KIAA1217: variants seen among roughly 807,000 people sequenced by gnomAD.
KIAA1217 encodes the protein sickle tail protein homolog.
In KIAA1217, 88 loss-of-function variants were observed where a neutral mutation model predicts 163.9. The observed-to-expected ratio is 0.54, with a 90% CI of 0.45 to 0.64. The LOEUF is 0.64. KIAA1217 is among the 30% of genes least tolerant of loss of function. The pLI is 0.00. For missense variants in KIAA1217, 2,372 were observed against 2,475.0 expected (o/e 0.96, Z 0.88); for synonymous variants, 903 against 923.1 (o/e 0.98, Z 0.39).
chr10:23,861,424 T>C (rs1477139335), intron 1 of KIAA1217, among the ~76,000 whole-genome samples: 4 of 152,204 alleles, frequency 2.6e-5, no homozygotes, highest in Non-Finnish European at 5.9e-5. Flanking sequence ...CATGCCCTGA[T>C]TCCTGGGAGC....
At chr10:24,382,529 TAAAATTTGA>T (rs2053447014) in intron 3 of KIAA1217, among the ~76,000 whole-genome samples, 1 of 152,132 alleles carries the variant, frequency 6.6e-6, no homozygotes, top group Non-Finnish European at 1.5e-5. Context: ...AAGATCAAAT[TAAAATTTGA>T]TCTTAGGTTA....
At chr10:23,785,338 T>C (rs1398917317) in intron 1 of KIAA1217, among the ~76,000 whole-genome samples, 1 of 152,128 alleles carries the variant, frequency 6.6e-6, no homozygotes, top group Non-Finnish European at 1.5e-5. Flanking sequence ...CCAGAGCCTG[T>C]TCCCTCACCT....
intron 2 of KIAA1217, among the ~76,000 whole-genome samples, chr10:24,284,188 G>C (rs1466385948): frequency 6.6e-6 from 1 of 152,128 alleles, no homozygotes; most frequent in African/African-American, 2.4e-5. Context: ...GATTATAGGT[G>C]TGAGCTACCG....
intron 2 of KIAA1217, among the ~76,000 whole-genome samples, chr10:24,300,784 C>T (rs992125985): frequency 2.6e-5 from 4 of 151,916 alleles, no homozygotes; most frequent in African/African-American, 9.7e-5. Context: ...CCAGGCTGGT[C>T]TCAAACCCCT....
At chr10:23,699,644 A>G (rs1159393266) in intron 1 of KIAA1217, among the ~76,000 whole-genome samples, 1 of 151,856 alleles carries the variant, frequency 6.6e-6, no homozygotes, top group African/African-American at 2.4e-5. Flanking sequence ...TTTTTTTTAG[A>G]GACTGGGTTT....
chr10:24,442,059 C>T (rs1268871593), intron 5 of KIAA1217, among the ~76,000 whole-genome samples: 1 of 152,140 alleles, frequency 6.6e-6, no homozygotes, highest in Non-Finnish European at 1.5e-5. Flanking sequence ...TTCTCTGCTT[C>T]CTTTAATTTC....
chr10:23,742,698 A>G (rs1177762586), intron 1 of KIAA1217, among the ~76,000 whole-genome samples: 1 of 152,184 alleles, frequency 6.6e-6, no homozygotes, highest in Non-Finnish European at 1.5e-5. Context: ...CTCATGACAA[A>G]AACACCTCCC....
intron 2 of KIAA1217, among the ~76,000 whole-genome samples, chr10:24,090,164 CTTTTTTTTTTT>C (rs1162687231): frequency 2.5e-4 from 27 of 109,236 alleles, no homozygotes; most frequent in Admixed American, 2.4e-3. Context: ...TTTTCTTTTT[CTTTTTTTTTTT>C]TTTTTTTTTG....
chr10:23,837,351 C>G (rs1391050902), intron 1 of KIAA1217, among the ~76,000 whole-genome samples: 1 of 152,118 alleles, frequency 6.6e-6, no homozygotes, highest in Non-Finnish European at 1.5e-5. Flanking sequence ...CAACCCAGTT[C>G]CCTGCCTTCT....
At chr10:23,698,375 G>A (rs1047069305) in intron 1 of KIAA1217, among the ~76,000 whole-genome samples, 1 of 152,158 alleles carries the variant, frequency 6.6e-6, no homozygotes, top group African/African-American at 2.4e-5. Context: ...TACTAAAAAT[G>A]GTAGCTAAAT....
At chr10:23,981,568 A>G (rs750919685) in intron 1 of KIAA1217, among the ~76,000 whole-genome samples, 3 of 152,170 alleles carry the variant, frequency 2.0e-5, no homozygotes, top group Non-Finnish European at 2.9e-5. Flanking sequence ...TAAAAAATGC[A>G]TTTCTTTTAT....
At chr10:23,954,370 G>T (rs1844465955) in intron 1 of KIAA1217, among the ~76,000 whole-genome samples, 1 of 152,026 alleles carries the variant, frequency 6.6e-6, no homozygotes, top group Non-Finnish European at 1.5e-5. Flanking sequence ...TTCAAGACCA[G>T]CCTAGGCAAC....
intron 2 of KIAA1217, among the ~76,000 whole-genome samples, chr10:24,332,283 C>CTGAA (rs1476607677): frequency 2.6e-5 from 4 of 152,160 alleles, no homozygotes; most frequent in Non-Finnish European, 4.4e-5. Context: ...ATCAGGGGTA[C>CTGAA]TGAAATATTT....
At chr10:23,756,581 G>T (rs1381840816) in intron 1 of KIAA1217, among the ~76,000 whole-genome samples, 2 of 152,014 alleles carry the variant, frequency 1.3e-5, no homozygotes, top group Admixed American at 1.3e-4. Flanking sequence ...AAAACTTATG[G>T]CATGTTACTA....
intron 1 of KIAA1217, among the ~76,000 whole-genome samples, chr10:23,967,783 A>G (rs1845128255): frequency 6.6e-6 from 1 of 152,160 alleles, no homozygotes; most frequent in African/African-American, 2.4e-5. Context: ...GATATTGTTT[A>G]GAGGTGAATA....
intron 2 of KIAA1217, among the ~76,000 whole-genome samples, chr10:24,155,248 A>G (rs1032902386): frequency 1.3e-5 from 2 of 152,074 alleles, no homozygotes; most frequent in African/African-American, 4.8e-5. Context: ...GCCCTTGACA[A>G]ATGGCTGTCC....
At chr10:23,714,476 G>T (rs1470606177) in intron 1 of KIAA1217, among the ~76,000 whole-genome samples, 1 of 152,052 alleles carries the variant, frequency 6.6e-6, no homozygotes, top group Non-Finnish European at 1.5e-5. Context: ...TAAGACTTTG[G>T]TAGAGTCCTT....
intron 1 of KIAA1217, among the ~76,000 whole-genome samples, chr10:23,984,062 A>T (rs1845874785): frequency 6.6e-6 from 1 of 152,198 alleles, no homozygotes; most frequent in African/African-American, 2.4e-5. Flanking sequence ...CAGTTCCAAA[A>T]TCCACTGGAC....
At chr10:24,219,148 C>T (rs2069235617) in intron 1 of KIAA1217, among the ~76,000 whole-genome samples, 1 of 152,130 alleles carries the variant, frequency 6.6e-6, no homozygotes, top group African/African-American at 2.4e-5. Flanking sequence ...TCACAACTGT[C>T]ACCTACCCAG....
Sources: gnomAD v4.1 joint callset for allele counts (sites outside exome capture counted in the v4.1 genomes callset) on GRCh38, gnomAD v4.1.1 for gene constraint, MANE v1.5 for transcripts, NCBI Gene and HGNC (gene_info 2026-07-23, HGNC 2026-07-21) for gene names.